LSR: variants seen among roughly 807,000 people sequenced by gnomAD.
LSR encodes lipolysis stimulated lipoprotein receptor.
A neutral mutation model predicts 61.8 loss-of-function variants in LSR; 44 were observed. The ratio of observed to expected loss-of-function variants is 0.71; its 90% CI spans 0.56 to 0.91. LSR has a LOEUF of 0.91. Among genes scored for constraint, LSR ranks in the 40% least tolerant of loss-of-function variants. The probability of loss-of-function intolerance (pLI) is 0.00; values close to 1 mark genes in which losing one functional copy is unlikely to be tolerated. For missense variants in LSR, 911 were observed against 830.5 expected (o/e 1.10, Z -1.19); for synonymous variants, 397 against 350.6 (o/e 1.13, Z -1.48).
chr19:35,261,152 G>A (rs1487737410), intron 3 of LSR, among the ~76,000 whole-genome samples: 2 of 152,104 alleles, frequency 1.3e-5, no homozygotes. Context: ...AGAGCTCCAG[G>A]GGCACTCGAG....
chr19:35,264,939 C>T (rs1436662080), intron 5 of LSR: 1 of 152,154 alleles, frequency 6.6e-6, no homozygotes, highest in East Asian at 1.9e-4. Flanking sequence ...CTGGTGCACA[C>T]AGAGTGACCC....
intron 2 of LSR, among the ~76,000 whole-genome samples, chr19:35,253,109 C>T (rs997960566): frequency 3.9e-5 from 6 of 152,092 alleles, no homozygotes; most frequent in Admixed American, 2.6e-4. Context: ...CACCTGAGGT[C>T]AGGAGATCGA....
At position 35,266,825 on chromosome 19, in the gene LSR, CCT is replaced by C. The variant is rs752642883; in HGVS notation, c.1013-10_1013-9del. 35 of 1,607,114 alleles carry C rather than the reference CCT, an allele frequency of 2.2e-5. No homozygotes were observed. In the Middle Eastern group the frequency reaches 8.3e-4, roughly 38 times the overall value. ...ATCCTCCCAAACCGACCACCACCCC[CCT>C]GTCCCTAGAAGTCCGCAGTGGCTAC... On this transcript the variant is annotated splice_polypyrimidine_tract_variant and intron_variant, in intron 7 of 9. Transcript: ENST00000605618.
At chr19:35,255,626 T>G (rs1275676464) in intron 2 of LSR, among the ~76,000 whole-genome samples, 1 of 152,118 alleles carries the variant, frequency 6.6e-6, no homozygotes, top group East Asian at 1.9e-4. Context: ...AACAGTGGCT[T>G]AGATGCCTGA....
chr19:35,258,980 G>A lies in LSR; in HGVS notation c.490G>A (p.Asp164Asn). ...GACCTTTGACCAGACGGCGTGGGGG[G>A]ACAGTGGTGTGTATTACTGCTCCGT... ...DLTFDQTAWG[D>N]SGVYYCSVVS... The change falls in exon 3 of 10, where the codon GAC (aspartate) becomes AAC (asparagine). Residue 164 changes from aspartate to asparagine, a missense_variant. Asp to Asn is a conservative substitution (Grantham distance 23). Transcript: ENST00000605618. 2 of 1,614,082 alleles carry A rather than the reference G, an allele frequency of 1.2e-6. No homozygotes were observed. Among genetic ancestry groups the A allele is most frequent in the Non-Finnish European group, 1.7e-6 (2 of 1,180,008 alleles).
chr19:35,266,431 C>G lies in LSR; in HGVS notation c.851C>G (p.Ser284Cys), dbSNP rs1035742967. Reference protein sequence around the residue: ...IYAPSTYAHLSPAKTPPPPAM... With the variant: ...IYAPSTYAHLCPAKTPPPPAM... Reference sequence around the variant, plus strand: ...GCCCCCAGCACCTATGCCCACCTGTCTCCCGCCAAGACCCCACCCCCACCA... The same window carrying G: ...GCCCCCAGCACCTATGCCCACCTGTGTCCCGCCAAGACCCCACCCCCACCA... Residue 284 changes from serine (S) to cysteine (C), a missense_variant, in exon 6 of 10, where the codon TCT becomes TGT. Ser to Cys is a moderately radical substitution (Grantham distance 112). Transcript: ENST00000605618. 2 of 1,612,226 alleles carry G rather than the reference C, an allele frequency of 1.2e-6. No homozygotes were observed. The highest frequency in any genetic ancestry group is 2.7e-5 in the African/African-American group (2 of 74,924).
intron 5 of LSR, 90 bp downstream of exon 5, chr19:35,262,782 G>T: frequency 6.6e-7 from 1 of 1,515,988 alleles, no homozygotes; most frequent in Non-Finnish European, 8.9e-7. Flanking sequence ...CAGGACAGTG[G>T]CGTTGGTCTG....
Position 35,267,131 on chromosome 19 carries a change from C to A in LSR, c.1167C>A (p.Leu389=). The A allele has an allele frequency of 6.5e-7, 1 of 1,529,496 alleles. No homozygotes were observed. The highest frequency in any genetic ancestry group is 8.7e-7 in the Non-Finnish European group (1 of 1,142,940). 94.7% of individuals were successfully genotyped at this position (1,529,496 alleles called of 1,614,324 possible). ...VERAMSEVTS[L]HEDDWRSRPS... ...CAGCCATGAGTGAAGTCACCTCCCT[C>A]CACGAGGACGACTGGCGATCTCGGC... Residue 389 remains leucine (L), a synonymous_variant, in exon 9 of 10, where the codon CTC becomes CTA. Transcript: ENST00000605618.
intron 5 of LSR, chr19:35,263,972 A>G (rs1167731965): frequency 6.6e-6 from 1 of 150,462 alleles, no homozygotes; most frequent in Non-Finnish European, 1.5e-5. Flanking sequence ...CGCCTGACTA[A>G]TTTTTGTATT....
In LSR at chr19:35,250,373, C is replaced by T. The variant is rs1312740793; in HGVS notation, c.168C>T (p.Phe56=). 1 of 1,596,494 alleles carries T rather than the reference C, an allele frequency of 6.3e-7. No homozygotes were observed. Residue 56 remains phenylalanine (F), a synonymous_variant, in exon 2 of 10, where the codon TTC becomes TTT. Transcript: ENST00000605618. ...ACCCCTACCACGTGGTGATCCTCTT[C>T]CAGCCTGTGACCCTGCCCTGTACCT... is the stretch of plus-strand genomic sequence containing the variant. ...VSNPYHVVIL[F]QPVTLPCTYQ... is the part of the protein sequence containing the mutation.
intron 5 of LSR, chr19:35,264,730 G>C (rs1237478250): frequency 6.6e-6 from 1 of 152,166 alleles, no homozygotes; most frequent in Non-Finnish European, 1.5e-5. Context: ...TCCCTCCCTA[G>C]GGCTCAGTGT....
Position 35,249,186 on chromosome 19 carries a change from G to A in LSR, c.109+55G>A, listed in dbSNP as rs1031754694. ...GAACGCCGGAGGGAACTGTAGAGGG[G>A]GATGGATGGAGTTGGAGGCGGCGGG... On this transcript the variant is annotated intron_variant, in intron 1 of 9. Coordinates refer to ENST00000605618, the MANE Select transcript of LSR (RefSeq NM_205834.4). The A allele has an allele frequency of 5.3e-5, 79 of 1,499,320 alleles. No individual in the cohort carries two copies. In the African/African-American group the frequency reaches 1.1e-3, roughly 20 times the overall value. The allele number at this position is 1,499,320 out of a possible 1,614,324, so 92.9% of individuals were successfully genotyped here. A position where few individuals can be genotyped will look rare whatever the true frequency, so the allele number is the denominator to read the frequency against.
intron 2 of LSR, among the ~76,000 whole-genome samples, chr19:35,252,074 T>TCCG (rs945063369): frequency 2.0e-5 from 3 of 151,402 alleles, no homozygotes; most frequent in Non-Finnish European, 4.4e-5. Context: ...GACCTCGTGA[T>TCCG]CCGCCCGCCT....
In LSR at chr19:35,249,100, C is replaced by A; in HGVS notation, c.78C>A (p.Phe26Leu). The change falls in exon 1 of 10, where the codon TTC (phenylalanine) becomes TTA (leucine). Residue 26 changes from phenylalanine to leucine, a missense_variant. Physicochemically the swap from Phe to Leu is conservative, Grantham distance 22. Coordinates refer to ENST00000605618, the MANE Select transcript of LSR (RefSeq NM_205834.4). ...CCGCAGGCCGGGACGCGGTCGTCTT[C>A]GTGTGGCTTCTGCTTAGCACCTGGT... ...PAAAGRDAVV[F>L]VWLLLSTWCT... The A allele has an allele frequency of 5.8e-6, 9 of 1,552,012 alleles. No individual in the cohort carries two copies. The highest frequency in any genetic ancestry group is 7.8e-6 in the Non-Finnish European group (9 of 1,149,784).
At chr19:35,259,473 C>G in intron 3 of LSR, 1 of 167,600 alleles carries the variant, frequency 6.0e-6, no homozygotes, top group Non-Finnish European at 1.3e-5. Context: ...AATCCCGTCT[C>G]TATAAAAAAT....
At chr19:35,258,146 G>C (rs1042574038) in intron 2 of LSR, among the ~76,000 whole-genome samples, 1 of 152,136 alleles carries the variant, frequency 6.6e-6, no homozygotes, top group Admixed American at 6.5e-5. Context: ...ATGGCTGTAA[G>C]TTGAGAAGCA....
intron 2 of LSR, among the ~76,000 whole-genome samples, chr19:35,255,562 G>A (rs1395294475): frequency 1.3e-5 from 2 of 152,048 alleles, no homozygotes; most frequent in African/African-American, 2.4e-5. Flanking sequence ...GATCAACCTG[G>A]ACAACAAAGC....
chr19:35,249,293 GA>G (rs1174981806), intron 1 of LSR, 162 bp downstream of exon 1: 1 of 858,828 alleles, frequency 1.2e-6, no homozygotes, highest in Non-Finnish European at 1.7e-6. Context: ...GGAGTGAGAG[GA>G]ATTCCCCATT....
intron 2 of LSR, among the ~76,000 whole-genome samples, chr19:35,255,806 T>C (rs1021707041): frequency 2.6e-5 from 4 of 152,346 alleles, no homozygotes; most frequent in East Asian, 1.9e-4. Context: ...TTGTCTGATA[T>C]GTGACATAGT....
Sources: gnomAD v4.1 joint callset for allele counts (sites outside exome capture counted in the v4.1 genomes callset) on GRCh38, gnomAD v4.1.1 for gene constraint, MANE v1.5 for transcripts, NCBI Gene and HGNC (gene_info 2026-07-23, HGNC 2026-07-21) for gene names.